Variants in NYNRIN observed in about 807,000 individuals in gnomAD.
NYNRIN encodes the protein NYN domain and retroviral integrase containing.
Under a neutral mutation model 146.6 loss-of-function variants are expected in NYNRIN, and 86 were observed. The observed-to-expected ratio is 0.59, with a 90% CI of 0.49 to 0.70. The LOEUF (loss-of-function observed/expected upper bound fraction) is 0.70, where lower values mean the gene tolerates loss of function less well. Ranked by LOEUF, NYNRIN falls within the 30% of genes least tolerant of loss-of-function variation. The pLI, the probability that NYNRIN is intolerant of heterozygous loss-of-function variation, is 0.00. For synonymous variants in NYNRIN, 1,027 were observed against 1,001.3 expected (o/e 1.03, Z -0.48); for missense variants, 2,191 against 2,377.7 (o/e 0.92, Z 1.63).
rs1022604616 is a variant in NYNRIN, at chr14:24,415,375, C to T, written c.3626C>T (p.Pro1209Leu). 15 of 1,613,990 alleles carry T rather than the reference C, an allele frequency of 9.3e-6. No individual in the cohort carries two copies. The East Asian group carries it at 3.1e-4, about 34-fold the overall frequency. Residue 1209 changes from proline to leucine, a missense_variant, in exon 9 of 9, where the codon CCC (proline) becomes CTC (leucine). Pro to Leu is a moderately conservative substitution (Grantham distance 98). Coordinates refer to ENST00000382554, the MANE Select transcript of NYNRIN (RefSeq NM_025081.3). Reference sequence around the variant, plus strand: ...GGCCCCCAGTCAGGGGGTGACAGCCCCTATGCTGTGGCCTGGGCCCTCAAG... The same window carrying T: ...GGCCCCCAGTCAGGGGGTGACAGCCTCTATGCTGTGGCCTGGGCCCTCAAG... The part of the protein sequence containing the change: ...SQGPQSGGDS[P>L]YAVAWALKHF...
rs1389392684 is a variant in NYNRIN at position 24,417,428 on chromosome 14, C to G, written c.5679C>G (p.Phe1893Leu). Residue 1893 changes from phenylalanine (F) to leucine (L), a missense_variant, in exon 9 of 9, where the codon TTC (phenylalanine) becomes TTG (leucine). This residue lies in a region of NYNRIN where 1,291 missense variants were observed against 1,417.0 expected (regional missense o/e 0.91). Transcript: ENST00000382554. ...CCAAGAGTGGCACCCCGCTGTCCTT[C>G]AAGGTCTTGGAGCAGTGAGCGGGAG... ...AFAKSGTPLS[F>L]KVLEQ 1.3e-6 allele frequency: 2 copies of G among 1,512,314 alleles called. No homozygotes were observed. 93.7% of individuals were successfully genotyped at this position (1,512,314 alleles called of 1,614,324 possible). A position where few individuals can be genotyped will look rare whatever the true frequency, so the allele number is the denominator to read the frequency against.
intron 2 of NYNRIN, 21 bp from the exon 3 acceptor site, chr14:24,407,848 T>G (rs1237045297): frequency 2.6e-5 from 41 of 1,573,256 alleles, no homozygotes; most frequent in Non-Finnish European, 3.5e-5. Context: ...GACTTCATTG[T>G]GTTCTCCCCA....
rs563188851 is a variant in NYNRIN at position 24,411,862 on chromosome 14, A to G, written c.2642+412A>G. Among the ~76,000 whole-genome samples the G allele has an allele frequency of 6.6e-6, 1 of 152,150 alleles. No individual in the cohort carries two copies. Among genetic ancestry groups the G allele is most frequent in the African/African-American group, 2.4e-5 (1 of 41,506 alleles). ...GGAGGTCTGTGCATGGCTGATGTGGATGGAGCCCTGGGCAGGGCTCTGGAA... is the reference window on the plus strand; with the variant it reads ...GGAGGTCTGTGCATGGCTGATGTGGGTGGAGCCCTGGGCAGGGCTCTGGAA... On this transcript the variant is annotated intron_variant, in intron 6 of 8. Coordinates refer to ENST00000382554, the MANE Select transcript of NYNRIN (RefSeq NM_025081.3). This position sits in a 1 kb window ranked among gnomAD's most constrained non-coding sequence, Gnocchi z 4.3.
rs2042822123 is a variant in NYNRIN, at chr14:24,399,053, A to G, written c.-51A>G. The stretch of plus-strand genomic sequence containing the variant: ...GCGGTAGCAGCGGTCGAAGGGGACC[A>G]AGCTCCAGAGGGCGGGCGCCCGAGC... On this transcript the variant is annotated 5_prime_UTR_variant, in exon 1 of 9. Coordinates refer to ENST00000382554, the MANE Select transcript of NYNRIN (RefSeq NM_025081.3). The G allele has an allele frequency of 1.9e-6, 1 of 533,562 alleles. No homozygotes were observed. Among genetic ancestry groups the G allele is most frequent in the Non-Finnish European group, 3.2e-6 (1 of 307,966 alleles). The allele number at this position is 533,562 out of a possible 1,614,324, so 33.1% of individuals were successfully genotyped here. A position where few individuals can be genotyped will look rare whatever the true frequency, so the allele number is the denominator to read the frequency against.
Position 24,415,451 on chromosome 14 carries a change from T to G in NYNRIN, c.3702T>G (p.Tyr1234Ter). ...CCCCGGTGGTCCTGGACCTTTCCTA[T>G]GCCTCCCGGACCACTGCGGACCCTG... ...GDTPVVLDLS[Y>*]ASRTTADPEV... Residue 1234 changes from tyrosine to a stop codon, truncating the protein, a stop_gained, in exon 9 of 9, where the codon TAT (tyrosine) becomes TAG (stop). Transcript: ENST00000382554. LOFTEE classifies it high-confidence loss of function. 1 of 1,613,884 alleles carries G rather than the reference T, an allele frequency of 6.2e-7. No homozygotes were observed. The highest frequency in any genetic ancestry group is 8.5e-7 in the Non-Finnish European group (1 of 1,179,836).
At position 24,415,386 on chromosome 14, in the gene NYNRIN, G is replaced by T; in HGVS notation, c.3637G>T (p.Ala1213Ser). Residue 1213 changes from alanine (A) to serine (S), a missense_variant, in exon 9 of 9, where the codon GCC becomes TCC. By Grantham distance (99) the Ala-to-Ser change is moderately conservative (BLOSUM62 1). Coordinates refer to ENST00000382554, the MANE Select transcript of NYNRIN (RefSeq NM_025081.3). ...QSGGDSPYAV[A>S]WALKHFSRCI... ...AGGGGGTGACAGCCCCTATGCTGTG[G>T]CCTGGGCCCTCAAGCATTTTTCCCG... The T allele has an allele frequency of 6.2e-7, 1 of 1,614,018 alleles. No individual in the cohort carries two copies. Among genetic ancestry groups the T allele is most frequent in the Non-Finnish European group, 8.5e-7 (1 of 1,179,888 alleles).
intron 1 of NYNRIN, 69 bp downstream of exon 1, chr14:24,399,155 T>G: frequency 8.0e-7 from 1 of 1,245,004 alleles, no homozygotes; most frequent in Admixed American, 2.3e-5. Context: ...GGGCGTGGCT[T>G]AGGCGCCTGG....
chr14:24,415,095 G>C lies in NYNRIN; in HGVS notation c.3346G>C (p.Gly1116Arg). Residue 1116 changes from glycine to arginine, a missense_variant, in exon 9 of 9, where the codon GGC becomes CGC. By Grantham distance (125) the Gly-to-Arg change is moderately radical (BLOSUM62 -2). Transcript: ENST00000382554. ...CATCCCTGACTATGAAGCCCTAGTG[G>C]GCCCCCTGCACAGCCTCCTCAAGCA... The part of the protein sequence containing the change: ...DAIPDYEALV[G>R]PLHSLLKQKP... 1.2e-6 allele frequency: 2 copies of C among 1,609,978 alleles called. No individual in the cohort carries two copies. The highest frequency in any genetic ancestry group is 1.7e-6 in the Non-Finnish European group (2 of 1,179,718).
Position 24,417,536 on chromosome 14 carries a change from G to T in NYNRIN, c.*90G>T. The T allele has an allele frequency of 7.1e-7, 1 of 1,400,312 alleles. No homozygotes were observed. 86.7% of individuals were successfully genotyped at this position (1,400,312 alleles called of 1,614,324 possible). A position where few individuals can be genotyped will look rare whatever the true frequency, so the allele number is the denominator to read the frequency against. On this transcript the variant is annotated 3_prime_UTR_variant, in exon 9 of 9. Transcript: ENST00000382554. ...TCCCAGCAGTGCTCTCAGTCCACTG[G>T]GGGCCCTCAGTTGTGCCTTTTGTAG...
rs1034767833 is a variant in NYNRIN, at chr14:24,417,480, C to T, written c.*34C>T. ...AGCGGGGGTGCCCCCTGCCCCAGGGCCGTGGGTTTCTGCTGCTAGGCCTCC... is the reference window on the plus strand; with the variant it reads ...AGCGGGGGTGCCCCCTGCCCCAGGGTCGTGGGTTTCTGCTGCTAGGCCTCC... On this transcript the variant is annotated 3_prime_UTR_variant, in exon 9 of 9. Transcript: ENST00000382554. 6.9e-7 allele frequency: 1 copy of T among 1,439,418 alleles called. No homozygotes were observed. Among genetic ancestry groups the T allele is most frequent in the African/African-American group, 1.4e-5 (1 of 69,756 alleles). The allele number at this position is 1,439,418 out of a possible 1,614,324, so 89.2% of individuals were successfully genotyped here.
rs777035190 is a variant in NYNRIN at position 24,416,378 on chromosome 14, T to C, written c.4629T>C (p.Asp1543=). The C allele has an allele frequency of 2.5e-6, 4 of 1,612,838 alleles. No individual in the cohort carries two copies. The highest frequency in any genetic ancestry group is 3.3e-4 in the Middle Eastern group (2 of 6,084). Residue 1543 remains aspartate (D), a synonymous_variant, in exon 9 of 9, where the codon GAT becomes GAC. Transcript: ENST00000382554. ...TAGTCCCGACGCAACTCCGGAGGGA[T>C]CTGATTTTCTCTGTGCATGACATTC... The part of the protein sequence containing the change: ...VWVVPTQLRR[D]LIFSVHDIPL...
chr14:24,403,717 T>A (rs1484754046), intron 2 of NYNRIN, among the ~76,000 whole-genome samples: 1 of 152,216 alleles, frequency 6.6e-6, no homozygotes, highest in African/African-American at 2.4e-5. Context: ...TTCACCGTCA[T>A]CCTGGAGATG....
At position 24,408,094 on chromosome 14, in the gene NYNRIN, C is replaced by T. The variant is rs746590236; in HGVS notation, c.424C>T (p.Arg142Cys). 1.1e-5 allele frequency: 17 copies of T among 1,612,778 alleles called. No individual in the cohort carries two copies. Among genetic ancestry groups the T allele is most frequent in the Non-Finnish European group, 1.4e-5 (16 of 1,179,672 alleles). ...NWLEELVGRL[R>C]WGPAPLLTPR... Reference sequence around the variant, plus strand: ...GCTGGAGGAGCTGGTGGGGCGACTGCGCTGGGGCCCTGCCCCTCTGCTGAC... The same window carrying T: ...GCTGGAGGAGCTGGTGGGGCGACTGTGCTGGGGCCCTGCCCCTCTGCTGAC... Residue 142 changes from arginine to cysteine, a missense_variant, in exon 3 of 9, where the codon CGC (arginine) becomes TGC (cysteine). By Grantham distance (180) the Arg-to-Cys change is radical. Around this residue, in one of 3 missense-constraint regions of NYNRIN, gnomAD observed 895 missense variants for 941.2 expected, o/e 0.95. Coordinates refer to ENST00000382554, the MANE Select transcript of NYNRIN (RefSeq NM_025081.3).
At position 24,408,939 on chromosome 14, in the gene NYNRIN, T is replaced by C. The variant is rs1439100793; in HGVS notation, c.1145T>C (p.Leu382Pro). 1 of 1,613,876 alleles carries C rather than the reference T, an allele frequency of 6.2e-7. No individual in the cohort carries two copies. Among genetic ancestry groups the C allele is most frequent in the Non-Finnish European group, 8.5e-7 (1 of 1,179,896 alleles). ...CTGCATTCTCTACATCTGGCCTGGC[T>C]CCTGTCCCAGGCGTGCTTCAATTTC... Reference protein sequence around the residue: ...NELHSLHLAWLLSQACFNFPF... With the variant: ...NELHSLHLAWPLSQACFNFPF... The change falls in exon 4 of 9, where the codon CTC becomes CCC. Residue 382 changes from leucine (L) to proline (P), a missense_variant. By Grantham distance (98) the Leu-to-Pro change is moderately conservative. Coordinates refer to ENST00000382554, the MANE Select transcript of NYNRIN (RefSeq NM_025081.3).
Position 24,409,691 on chromosome 14 carries a change from GCAAAAA to G in NYNRIN, c.1900_1905del (p.Lys634_Thr635del), listed in dbSNP as rs761705692. On this transcript the variant is annotated inframe_deletion, in exon 4 of 9. Transcript: ENST00000382554. Reference sequence around the variant, plus strand: ...TCCCCAGGCTCAGAAGATGCCTGTAGCAAAAACATCACCTGCAGGTCCCAAAACACC... The same window carrying G: ...TCCCCAGGCTCAGAAGATGCCTGTAGCATCACCTGCAGGTCCCAAAACACC... 19 of 1,605,756 alleles carry G rather than the reference GCAAAAA, an allele frequency of 1.2e-5. No homozygotes were observed. In the South Asian group the frequency reaches 1.7e-4, roughly 14 times the overall value.
Position 24,409,018 on chromosome 14 carries a change from TC to T in NYNRIN, c.1226del (p.Pro409LeufsTer4). 1 of 1,613,614 alleles carries T rather than the reference TC, an allele frequency of 6.2e-7. No homozygotes were observed. Among genetic ancestry groups the T allele is most frequent in the Non-Finnish European group, 8.5e-7 (1 of 1,179,722 alleles). On this transcript the variant is annotated frameshift_variant, in exon 4 of 9. Transcript: ENST00000382554. LOFTEE classifies it high-confidence loss of function. Reference protein sequence around the residue: ...PIQLKLPGQNPLPLNLEWKQK... With the variant: ...PIQLKLPGQNXLPLNLEWKQK... ...TTCAGTTGAAGCTGCCAGGGCAGAATCCTTTGCCCTTAAATCTGGAGTGGAA... is the reference window on the plus strand; with the variant it reads ...TTCAGTTGAAGCTGCCAGGGCAGAATCTTTGCCCTTAAATCTGGAGTGGAA...
In NYNRIN at chr14:24,417,916, G is replaced by C. The variant is rs554305555; in HGVS notation, c.*470G>C. 4.3e-5 allele frequency: 9 copies of C among 208,500 alleles called. No individual in the cohort carries two copies. Among genetic ancestry groups the C allele is most frequent in the African/African-American group, 2.1e-4 (9 of 42,066 alleles). The allele number at this position is 208,500 out of a possible 1,614,324, so 12.9% of individuals were successfully genotyped here. On this transcript the variant is annotated 3_prime_UTR_variant, in exon 9 of 9. Coordinates refer to ENST00000382554, the MANE Select transcript of NYNRIN (RefSeq NM_025081.3). ...CTCCTCCCTCCAACCTGTTCTTTTGGGGACCCTTTGCCCTTAGAGCTGTCA... is the reference window on the plus strand; with the variant it reads ...CTCCTCCCTCCAACCTGTTCTTTTGCGGACCCTTTGCCCTTAGAGCTGTCA...
In NYNRIN at chr14:24,415,854, C is replaced by T. The variant is rs756807669; in HGVS notation, c.4105C>T (p.Pro1369Ser). The T allele has an allele frequency of 3.7e-6, 6 of 1,614,022 alleles. No individual in the cohort carries two copies. The highest frequency in any genetic ancestry group is 2.7e-5 in the African/African-American group (2 of 75,060). ...ACGLERFGQS[P>S]LPVVFLTHCN... is the part of the protein sequence containing the mutation. ...CGGCCTGGAGCGCTTTGGCCAGTCC[C>T]CACTCCCAGTGGTTTTCCTCACTCA... is the stretch of plus-strand genomic sequence containing the variant. Residue 1369 changes from proline (P) to serine (S), a missense_variant, in exon 9 of 9, where the codon CCA (proline) becomes TCA (serine). Physicochemically the swap from Pro to Ser is moderately conservative, Grantham distance 74. Transcript: ENST00000382554.
chr14:24,416,701 T>C lies in NYNRIN; in HGVS notation c.4952T>C (p.Leu1651Pro). 2 of 1,613,912 alleles carry C rather than the reference T, an allele frequency of 1.2e-6. No individual in the cohort carries two copies. The highest frequency in any genetic ancestry group is 1.1e-5 in the South Asian group (1 of 91,086). Residue 1651 changes from leucine to proline, a missense_variant, in exon 9 of 9, where the codon CTG becomes CCG. Physicochemically the swap from Leu to Pro is moderately conservative, Grantham distance 98. Around this residue, in one of 3 missense-constraint regions of NYNRIN, gnomAD observed 1,291 missense variants for 1,417.0 expected, o/e 0.91. Transcript: ENST00000382554. The stretch of plus-strand genomic sequence containing the variant: ...ACCAGGTGGGTGGAGGCATTCCCCC[T>C]GAAGCCCTACACACACACGGCTGTG... ...PNTRWVEAFP[L>P]KPYTHTAVAQ...
Sources: allele counts gnomAD v4.1 joint callset (sites outside exome capture counted in the v4.1 genomes callset), GRCh38; gene constraint gnomAD v4.1.1; regional missense constraint gnomAD v4.1.1; non-coding constraint Gnocchi (gnomAD v3.1); transcripts MANE v1.5; gene names NCBI Gene and HGNC (gene_info 2026-07-23, HGNC 2026-07-21).